Variants in AKNAD1 observed in about 807,000 individuals in gnomAD.
AKNAD1 encodes the protein protein AKNAD1.
AKNAD1 carries 67 observed loss-of-function variants against 90.8 expected under a neutral mutation model. The observed-to-expected ratio is 0.74, with a 90% CI of 0.61 to 0.90. The LOEUF (loss-of-function observed/expected upper bound fraction) is 0.90, where lower values mean the gene tolerates loss of function less well. Ranked by LOEUF, AKNAD1 falls within the 40% of genes least tolerant of loss-of-function variation. The pLI is 0.00. For missense variants in AKNAD1, 957 were observed against 975.4 expected (o/e 0.98, Z 0.25); for synonymous variants, 327 against 341.4 (o/e 0.96, Z 0.46).
intron 6 of AKNAD1, among the ~76,000 whole-genome samples, chr1:108,838,016 C>T (rs1436504599): frequency 6.6e-6 from 1 of 151,986 alleles, no homozygotes; most frequent in South Asian, 2.1e-4. Flanking sequence ...TTTTGAGATC[C>T]CTTACAAGGG....
chr1:108,816,420 C>T, intron 15 of AKNAD1, 118 bp from the exon 16 acceptor site: 4 of 1,134,316 alleles, frequency 3.5e-6, no homozygotes, highest in Admixed American at 2.6e-5. Context: ...CTGTTTTCCT[C>T]TTGGTCTATT....
At chr1:108,849,672 G>T in intron 2 of AKNAD1, 96 bp from the exon 3 acceptor site, 1 of 888,042 alleles carries the variant, frequency 1.1e-6, no homozygotes, top group Non-Finnish European at 1.8e-6. Context: ...CATAGAGGGA[G>T]CCCAGGTTTG....
At position 108,823,394 on chromosome 1, in the gene AKNAD1, C is replaced by G. The variant is rs773274661; in HGVS notation, c.2143G>C (p.Asp715His). ...RGAFVQPHSL[D>H]ESKNSSPSFL... is the part of the protein sequence containing the mutation. Reference sequence around the variant, plus strand: ...CAGGGTGAAGAGTTTTTACTTTCATCTAAAGAATGGGGCTGGACAAAGGCA... The same window carrying G: ...CAGGGTGAAGAGTTTTTACTTTCATGTAAAGAATGGGGCTGGACAAAGGCA... The change falls in exon 13 of 16, where the codon GAT becomes CAT. Residue 715 changes from aspartate (D) to histidine (H), a missense_variant. Transcript: ENST00000370001. 5.0e-6 allele frequency: 8 copies of G among 1,613,968 alleles called. No individual in the cohort carries two copies. The East Asian group carries it at 1.6e-4, about 31-fold the overall frequency.
chr1:108,844,657 G>A (rs2101204883), intron 5 of AKNAD1, among the ~76,000 whole-genome samples: 1 of 152,108 alleles, frequency 6.6e-6, no homozygotes, highest in South Asian at 2.1e-4. Flanking sequence ...TTCAGACTCT[G>A]TCACTTACTC....
rs766789535 is a variant in AKNAD1 at position 108,837,732 on chromosome 1, T to A, written c.1380-26A>T. On this transcript the variant is annotated intron_variant, in intron 6 of 15. Transcript: ENST00000370001. ...CTAAGTAAACATAAACACACAGGCA[T>A]CTTCTGGGCTATGTGGTTGGCATTC... 3 of 1,611,582 alleles carry A rather than the reference T, an allele frequency of 1.9e-6. No homozygotes were observed. In the Admixed American group the frequency reaches 5.0e-5, roughly 27 times the overall value.
At chr1:108,849,470 C>T in intron 3 of AKNAD1, 67 bp downstream of exon 3, 3 of 1,021,206 alleles carry the variant, frequency 2.9e-6, no homozygotes, top group South Asian at 2.6e-5. Flanking sequence ...CAGAGTGAGA[C>T]CCTGTCTCAA....
intron 10 of AKNAD1, among the ~76,000 whole-genome samples, chr1:108,828,712 A>T (rs923794391): frequency 6.6e-6 from 1 of 151,738 alleles, no homozygotes; most frequent in Non-Finnish European, 1.5e-5. Flanking sequence ...CTTGAGTCAC[A>T]TATTTTCTCA....
At chr1:108,851,176 G>A (rs541162356) in intron 2 of AKNAD1, among the ~76,000 whole-genome samples, 3 of 152,282 alleles carry the variant, frequency 2.0e-5, no homozygotes, top group East Asian at 3.9e-4. Context: ...TCCAAAGCAG[G>A]CTGAGATACA....
chr1:108,832,170 T>C (rs1664220208), intron 9 of AKNAD1, among the ~76,000 whole-genome samples: 1 of 151,246 alleles, frequency 6.6e-6, no homozygotes, highest in African/African-American at 2.4e-5. Context: ...GTGGGAAAGC[T>C]GGGATTTTAA....
intron 15 of AKNAD1, 133 bp from the exon 16 acceptor site, chr1:108,816,435 T>G: frequency 2.1e-6 from 2 of 966,760 alleles, no homozygotes; most frequent in Non-Finnish European, 2.9e-6. Flanking sequence ...TCTATTTCTG[T>G]TTTTGAGGGT....
chr1:108,820,729 T>C (rs1233855427), intron 13 of AKNAD1, 103 bp from the exon 14 acceptor site: 1 of 638,390 alleles, frequency 1.6e-6, no homozygotes, highest in Non-Finnish European at 2.7e-6. Flanking sequence ...AAATATTTCA[T>C]AAAATTTTAA....
chr1:108,851,299 G>T (rs1450222753), intron 2 of AKNAD1, among the ~76,000 whole-genome samples: 1 of 152,164 alleles, frequency 6.6e-6, no homozygotes, highest in Non-Finnish European at 1.5e-5. Context: ...GCAGGTCTTT[G>T]GCAAGTCAAG....
intron 7 of AKNAD1, among the ~76,000 whole-genome samples, chr1:108,835,686 G>A (rs1028908978): frequency 6.6e-5 from 10 of 151,042 alleles, no homozygotes; most frequent in South Asian, 2.1e-4. Flanking sequence ...GTGCAATGGC[G>A]CAATCTCGGC....
intron 13 of AKNAD1, chr1:108,823,046 A>C (rs1305233874): frequency 2.7e-5 from 17 of 628,794 alleles, no homozygotes; most frequent in Non-Finnish European, 3.5e-5. Flanking sequence ...GAATAGTAAC[A>C]ATAATAGTAG....
At position 108,834,518 on chromosome 1, in the gene AKNAD1, C is replaced by A. The variant is rs140022518; in HGVS notation, c.1675G>T (p.Gly559Cys). 5.2e-4 allele frequency: 820 copies of A among 1,583,756 alleles called. 14 individuals are homozygous for A. The East Asian group carries it at 0.016, about 32-fold the overall frequency. The stretch of plus-strand genomic sequence containing the variant: ...TGGGCAGCTGCATCTCCATAATGAC[C>A]GTTTAGGTAACTAATTTAAAAAAAA... ...CELAPQTYLN[G>C]HYGDAAAQNK... The change falls in exon 9 of 16, where the codon GGT (glycine) becomes TGT (cysteine). Residue 559 changes from glycine (G) to cysteine (C), a missense_variant. Coordinates refer to ENST00000370001, the MANE Select transcript of AKNAD1 (RefSeq NM_152763.5).
rs751751448 is a variant in AKNAD1, at chr1:108,837,562, T to G, written c.1524A>C (p.Ser508=). The G allele has an allele frequency of 6.2e-7, 1 of 1,614,016 alleles. No individual in the cohort carries two copies. Among genetic ancestry groups the G allele is most frequent in the South Asian group, 1.1e-5 (1 of 91,068 alleles). The change falls in exon 7 of 16, where the codon TCA becomes TCC. Residue 508 remains serine (S), a synonymous_variant. Coordinates refer to ENST00000370001, the MANE Select transcript of AKNAD1 (RefSeq NM_152763.5). The stretch of plus-strand genomic sequence containing the variant: ...ATTGCTGTATTACCTCATTTGAGAG[T>G]GAAGAGAAGGTGGAGGCCAAGTCAT... ...TLDDLASTFS[S]LSNEIPKEHP...
chr1:108,832,718 C>T (rs573216198), intron 9 of AKNAD1, among the ~76,000 whole-genome samples: 61 of 151,842 alleles, frequency 4.0e-4, no homozygotes, highest in African/African-American at 8.9e-4. Context: ...GGAGGAGGTG[C>T]GAGTGGCCAA....
Position 108,826,850 on chromosome 1 carries a change from C to T in AKNAD1, c.1936+355G>A, listed in dbSNP as rs1369029704. 2.7e-5 allele frequency among the ~76,000 whole-genome samples: 4 copies of T among 150,552 alleles called. 1 individual carries two copies. The highest frequency in any genetic ancestry group is 5.9e-5 in the Non-Finnish European group (4 of 67,734). ...AACCTCCCGGACTCAAGCAATCTTC[C>T]CACCTTAGTCTCCCAAGTAGCTGGG... is the stretch of plus-strand genomic sequence containing the variant. On this transcript the variant is annotated intron_variant, in intron 11 of 15. Coordinates refer to ENST00000370001, the MANE Select transcript of AKNAD1 (RefSeq NM_152763.5).
chr1:108,856,680 TGGGTG>T (rs1423679915), intron 1 of AKNAD1, among the ~76,000 whole-genome samples: 3 of 151,720 alleles, frequency 2.0e-5, no homozygotes, highest in Non-Finnish European at 4.4e-5. Flanking sequence ...CACTCCAGCC[TGGGTG>T]ACAGAGCAAG....
Sources: allele counts gnomAD v4.1 joint callset (sites outside exome capture counted in the v4.1 genomes callset), GRCh38; gene constraint gnomAD v4.1.1; transcripts MANE v1.5; gene names NCBI Gene and HGNC (gene_info 2026-07-23, HGNC 2026-07-21).